DLG2: variants seen among roughly 807,000 people sequenced by gnomAD.
DLG2 encodes the protein disks large homolog 2.
In DLG2, 45 loss-of-function variants were observed where a neutral mutation model predicts 132.5. That is an observed-to-expected ratio of 0.34 (90% CI 0.27 to 0.44). The LOEUF is 0.44. Among genes scored for constraint, DLG2 ranks in the 20% least tolerant of loss-of-function variants. The probability of loss-of-function intolerance (pLI) is 1.00; values close to 1 mark genes in which losing one functional copy is unlikely to be tolerated. For synonymous variants in DLG2, 424 were observed against 419.6 expected, an observed-to-expected ratio of 1.01 and a Z score of -0.13; for missense variants, 1,045 against 1,196.9, an observed-to-expected ratio of 0.87 and a Z score of 1.87.
intron 6 of DLG2, among the ~76,000 whole-genome samples, chr11:85,054,653 A>ACATG (rs1395317698): frequency 6.6e-6 from 1 of 152,252 alleles, no homozygotes; most frequent in Non-Finnish European, 1.5e-5. Context: ...ACAATGTGCT[A>ACATG]CATGCACACC....
intron 17 of DLG2, among the ~76,000 whole-genome samples, chr11:83,832,500 A>AG (rs1344594352): frequency 2.6e-5 from 4 of 152,228 alleles, no homozygotes; most frequent in Non-Finnish European, 1.5e-5. Flanking sequence ...AAATTAACAC[A>AG]GGAACAGAAA....
chr11:83,932,236 G>GT (rs1565694019), intron 14 of DLG2, among the ~76,000 whole-genome samples: 58 of 150,142 alleles, frequency 3.9e-4, no homozygotes, highest in African/African-American at 1.4e-3. Context: ...CACATTTGAA[G>GT]ATTTTTTTTT....
intron 8 of DLG2, among the ~76,000 whole-genome samples, chr11:84,193,471 G>A (rs2096455006): frequency 6.6e-6 from 1 of 152,192 alleles, no homozygotes; most frequent in Non-Finnish European, 1.5e-5. Context: ...GTGCTTAGAA[G>A]AATGGCTGGC....
chr11:83,963,014 G>C lies in DLG2; in HGVS notation c.1211C>G (p.Pro404Arg). ...GPPDITHSYS[P>R]PMENHLLSGN... ...AGAGAGTAGATGGTTTTCCATTGGT[G>C]GAGAATAAGCTAAGAGGTGGGGGAA... Residue 404 changes from proline (P) to arginine (R), a missense_variant, in exon 14 of 28, where the codon CCA (proline) becomes CGA (arginine). By Grantham distance (103) the Pro-to-Arg change is moderately radical. Around this residue, in one of 4 missense-constraint regions of DLG2, gnomAD observed 261 missense variants for 256.1 expected, o/e 1.02. Transcript: ENST00000376104. The C allele has an allele frequency of 6.2e-7, 1 of 1,612,604 alleles. No individual in the cohort carries two copies. Among genetic ancestry groups the C allele is most frequent in the Non-Finnish European group, 8.5e-7 (1 of 1,178,810 alleles).
At chr11:83,672,262 G>T (rs570099281) in intron 18 of DLG2, among the ~76,000 whole-genome samples, 7 of 151,738 alleles carry the variant, frequency 4.6e-5, no homozygotes, top group African/African-American at 1.7e-4. Flanking sequence ...TCAGCTCACC[G>T]CAACCTCTGC....
chr11:84,618,915 A>G (rs1477015107), intron 6 of DLG2, among the ~76,000 whole-genome samples: 1 of 152,082 alleles, frequency 6.6e-6, no homozygotes, highest in East Asian at 1.9e-4. Context: ...ATTTAAAAAT[A>G]TCAACAAATC....
At chr11:84,587,408 CT>C (rs910973866) in intron 6 of DLG2, among the ~76,000 whole-genome samples, 15 of 152,234 alleles carry the variant, frequency 9.9e-5, no homozygotes, top group Admixed American at 2.6e-4. Flanking sequence ...CCCATGACCC[CT>C]GAGCCAAAAT....
At chr11:84,287,780 A>AC (rs1555484199) in intron 7 of DLG2, among the ~76,000 whole-genome samples, 6 of 149,510 alleles carry the variant, frequency 4.0e-5, no homozygotes, top group South Asian at 2.1e-4. Flanking sequence ...ACACACACAC[A>AC]AATACTTTAT....
intron 19 of DLG2, among the ~76,000 whole-genome samples, chr11:83,557,593 A>G (rs1399533291): frequency 6.6e-6 from 1 of 152,220 alleles, no homozygotes; most frequent in Non-Finnish European, 1.5e-5. Context: ...CAAAGGTTAG[A>G]AATCATAGAT....
At chr11:83,775,898 C>T (rs2094562633) in intron 18 of DLG2, among the ~76,000 whole-genome samples, 1 of 152,030 alleles carries the variant, frequency 6.6e-6, no homozygotes, top group Non-Finnish European at 1.5e-5. Context: ...CGAGACCATC[C>T]TGGCTAATAC....
rs572982465 is a variant in DLG2, at chr11:83,511,618, T to C, written c.2193+21090A>G. On this transcript the variant is annotated intron_variant, in intron 21 of 27. Transcript: ENST00000376104. ...TATTTTTATTATTATTAGATAAGCA[T>C]TGATTGTTTTTGTCAAATATTACAC... Among the ~76,000 whole-genome samples, 47 of 152,144 alleles carry C rather than the reference T, an allele frequency of 3.1e-4. No individual in the cohort carries two copies. The South Asian group carries it at 8.5e-3, about 28-fold the overall frequency.
At chr11:85,070,875 A>T (rs986383073) in intron 6 of DLG2, among the ~76,000 whole-genome samples, 1 of 151,754 alleles carries the variant, frequency 6.6e-6, no homozygotes, top group African/African-American at 2.4e-5. Flanking sequence ...TTTTACCTTC[A>T]TGTTGGTACG....
At chr11:84,521,739 G>T (rs1385253971) in intron 7 of DLG2, among the ~76,000 whole-genome samples, 1 of 152,182 alleles carries the variant, frequency 6.6e-6, no homozygotes, top group Non-Finnish European at 1.5e-5. Flanking sequence ...GTTTATAAGA[G>T]AAGTAAAACC....
intron 6 of DLG2, among the ~76,000 whole-genome samples, chr11:84,940,817 G>T (rs977223369): frequency 1.3e-5 from 2 of 152,162 alleles, no homozygotes; most frequent in Admixed American, 6.5e-5. Context: ...CAATGACCTA[G>T]AGAGTTTCCT....
intron 6 of DLG2, among the ~76,000 whole-genome samples, chr11:84,982,482 T>C (rs1046141964): frequency 1.3e-5 from 2 of 152,154 alleles, no homozygotes; most frequent in Non-Finnish European, 2.9e-5. Context: ...AGTTTATATA[T>C]ATTTTCTTAT....
At chr11:84,943,172 G>GTA in intron 6 of DLG2, among the ~76,000 whole-genome samples, 1 of 128,594 alleles carries the variant, frequency 7.8e-6, no homozygotes, top group Admixed American at 7.5e-5. Flanking sequence ...GTGTGCGTGT[G>GTA]TGTGTGTGTG....
chr11:84,971,331 T>C (rs530343203), intron 6 of DLG2, among the ~76,000 whole-genome samples: 3 of 152,342 alleles, frequency 2.0e-5, no homozygotes, highest in South Asian at 4.1e-4. Context: ...AAAGGAGATA[T>C]AGACATAAGG....
intron 6 of DLG2, among the ~76,000 whole-genome samples, chr11:85,076,582 C>T (rs565241103): frequency 1.3e-5 from 2 of 151,918 alleles, no homozygotes; most frequent in South Asian, 4.1e-4. Context: ...GCATCAGCTT[C>T]CAAATGTGGT....
At chr11:83,818,478 T>C (rs1594883940) in intron 17 of DLG2, among the ~76,000 whole-genome samples, 2 of 152,324 alleles carry the variant, frequency 1.3e-5, no homozygotes, top group South Asian at 4.1e-4. Context: ...GGGGTGGACC[T>C]GCTTATTACT....
Sources: allele counts gnomAD v4.1 joint callset (sites outside exome capture counted in the v4.1 genomes callset), GRCh38; gene constraint gnomAD v4.1.1; regional missense constraint gnomAD v4.1.1; transcripts MANE v1.5; gene names NCBI Gene and HGNC (gene_info 2026-07-23, HGNC 2026-07-21).